Variants in TMEM117 observed in about 807,000 individuals in gnomAD.
TMEM117 encodes the protein transmembrane protein 117.
In TMEM117, 27 loss-of-function variants were observed where a neutral mutation model predicts 52.4. That is an observed-to-expected ratio of 0.51 (90% CI 0.38 to 0.71). The LOEUF is 0.71. TMEM117 is among the 30% of genes least tolerant of loss of function. The pLI is 0.00. For missense variants in TMEM117, 556 were observed against 630.5 expected, an observed-to-expected ratio of 0.88 and a Z score of 1.26; for synonymous variants, 215 against 206.3, an observed-to-expected ratio of 1.04 and a Z score of -0.36.
chr12:44,338,281 A>T (rs557046618), intron 6 of TMEM117, among the ~76,000 whole-genome samples: 1 of 152,220 alleles, frequency 6.6e-6, no homozygotes, highest in African/African-American at 2.4e-5. Flanking sequence ...AAATAAATCT[A>T]TGTCAGTCTA....
At chr12:43,921,881 T>G (rs1391182420) in intron 2 of TMEM117, among the ~76,000 whole-genome samples, 3 of 152,074 alleles carry the variant, frequency 2.0e-5, no homozygotes. Flanking sequence ...ACTGACTCCA[T>G]GTTGGTGACT....
chr12:44,077,346 T>G (rs943261516), intron 3 of TMEM117, among the ~76,000 whole-genome samples: 1 of 152,230 alleles, frequency 6.6e-6, no homozygotes, highest in African/African-American at 2.4e-5. Flanking sequence ...TTATTTTCAT[T>G]TAATATTAGA....
chr12:44,365,904 A>G lies in TMEM117; in HGVS notation c.769-10691A>G, dbSNP rs146119501. Among the ~76,000 whole-genome samples the G allele has an allele frequency of 4.3e-3, 657 of 152,152 alleles. 1 individual carries two copies. Among genetic ancestry groups the G allele is most frequent in the African/African-American group, 0.015 (603 of 41,570 alleles). ...TGTATTGGAATATAGTTCAGGGGCT[A>G]CTGATTGAATTTCATCTGGTCTCTA... On this transcript the variant is annotated intron_variant, in intron 6 of 7. Coordinates refer to ENST00000266534, the MANE Select transcript of TMEM117 (RefSeq NM_032256.3).
intron 3 of TMEM117, among the ~76,000 whole-genome samples, chr12:44,016,764 G>T (rs1349561678): frequency 6.6e-6 from 1 of 152,178 alleles, no homozygotes; most frequent in East Asian, 1.9e-4. Flanking sequence ...ATGATGCAAA[G>T]TATTGGGAGA....
At chr12:44,304,982 C>T (rs1368363030) in intron 6 of TMEM117, among the ~76,000 whole-genome samples, 6 of 152,096 alleles carry the variant, frequency 3.9e-5, no homozygotes, top group African/African-American at 9.7e-5. Context: ...CCAGCTCAGC[C>T]GCAGTGGGGT....
At chr12:44,215,053 G>A (rs1387683974) in intron 5 of TMEM117, among the ~76,000 whole-genome samples, 1 of 152,072 alleles carries the variant, frequency 6.6e-6, no homozygotes, top group East Asian at 1.9e-4. Context: ...ACTCAAAAAT[G>A]GGTATTTTCT....
At chr12:44,392,521 CT>C (rs923282398), downstream of TMEM117, among the ~76,000 whole-genome samples, 8 of 151,820 alleles carry the variant, frequency 5.3e-5, no homozygotes, top group African/African-American at 1.7e-4. Context: ...GGTTAGCTGG[CT>C]TTTTTTTATT....
intron 5 of TMEM117, among the ~76,000 whole-genome samples, chr12:44,280,497 G>T (rs57851938): frequency 0.073 from 11,112 of 152,044 alleles, 578 homozygotes; most frequent in Middle Eastern, 0.16. Context: ...AATTTAATCA[G>T]AACTCTCAGC....
intron 4 of TMEM117, among the ~76,000 whole-genome samples, chr12:44,152,973 G>T (rs1306861910): frequency 1.3e-5 from 2 of 150,152 alleles, no homozygotes; most frequent in Non-Finnish European, 3.0e-5. Flanking sequence ...ACATATTTTA[G>T]AATCATGGTG....
At chr12:44,017,408 C>G (rs1277247490) in intron 3 of TMEM117, among the ~76,000 whole-genome samples, 1 of 149,460 alleles carries the variant, frequency 6.7e-6, no homozygotes, top group East Asian at 2.0e-4. Context: ...CCAAACCCAC[C>G]AAGTCTCACA....
intron 6 of TMEM117, among the ~76,000 whole-genome samples, chr12:44,368,482 G>A (rs1951820581): frequency 6.6e-6 from 1 of 151,972 alleles, no homozygotes; most frequent in African/African-American, 2.4e-5. Flanking sequence ...TTTTTATACT[G>A]AATCACATTT....
intron 6 of TMEM117, among the ~76,000 whole-genome samples, chr12:44,315,383 G>GT (rs1202618499): frequency 1.3e-5 from 2 of 152,162 alleles, no homozygotes; most frequent in Non-Finnish European, 2.9e-5. Context: ...TGAAGTAGAT[G>GT]TTTAGAGCTA....
chr12:44,036,038 C>G (rs1946705223), intron 3 of TMEM117, among the ~76,000 whole-genome samples: 1 of 152,068 alleles, frequency 6.6e-6, no homozygotes, highest in Non-Finnish European at 1.5e-5. Context: ...TAGCTCTGTG[C>G]TTTTCTACAC....
intron 3 of TMEM117, among the ~76,000 whole-genome samples, chr12:44,114,285 T>C (rs1025277543): frequency 1.3e-5 from 2 of 152,198 alleles, no homozygotes; most frequent in African/African-American, 4.8e-5. Flanking sequence ...AAATGACAAC[T>C]TTTTACTCCT....
intron 3 of TMEM117, among the ~76,000 whole-genome samples, chr12:44,082,500 T>C (rs910055960): frequency 6.6e-6 from 1 of 152,046 alleles, no homozygotes; most frequent in Non-Finnish European, 1.5e-5. Flanking sequence ...ATATCCTTAC[T>C]TTTTCTTCTT....
chr12:43,860,979 G>A (rs1346668536), intron 2 of TMEM117, among the ~76,000 whole-genome samples: 1 of 152,100 alleles, frequency 6.6e-6, no homozygotes, highest in East Asian at 1.9e-4. Context: ...CCCCATTATG[G>A]CTCCTTTATG....
chr12:44,261,274 A>G (rs1950317845), intron 5 of TMEM117, among the ~76,000 whole-genome samples: 1 of 152,236 alleles, frequency 6.6e-6, no homozygotes. Context: ...CAGAAAAGGT[A>G]AATAGCTTGC....
the TMEM117 span, among the ~76,000 whole-genome samples, chr12:43,806,937 G>A: frequency 1.3e-5 from 2 of 152,158 alleles, no homozygotes; most frequent in Non-Finnish European, 2.9e-5. Flanking sequence ...ATCCCTCTGT[G>A]GTCGATTATA....
chr12:44,293,882 TACTA>T (rs1250281263), intron 5 of TMEM117, among the ~76,000 whole-genome samples: 1 of 152,176 alleles, frequency 6.6e-6, no homozygotes, highest in African/African-American at 2.4e-5. Context: ...TTTTTAACTT[TACTA>T]GGGAATCTTA....
Sources: gnomAD v4.1 joint callset for allele counts (sites outside exome capture counted in the v4.1 genomes callset) on GRCh38, gnomAD v4.1.1 for gene constraint, MANE v1.5 for transcripts, NCBI Gene and HGNC (gene_info 2026-07-23, HGNC 2026-07-21) for gene names.